Variants in SMC6 observed in about 807,000 individuals in gnomAD.
SMC6 encodes structural maintenance of chromosomes protein 6.
A neutral mutation model predicts 142.2 loss-of-function variants in SMC6; 79 were observed. That is an observed-to-expected ratio of 0.56 (90% CI 0.46 to 0.67). The LOEUF (loss-of-function observed/expected upper bound fraction) is 0.67. SMC6 is among the 30% of genes least tolerant of loss of function. SMC6 has a pLI of 0.00. For synonymous variants in SMC6, 411 were observed against 412.4 expected, an observed-to-expected ratio of 1.00 and a Z score of 0.04; for missense variants, 1,072 against 1,284.0, an observed-to-expected ratio of 0.83 and a Z score of 2.52.
intron 3 of SMC6, among the ~76,000 whole-genome samples, chr2:17,744,736 G>T (rs13385866): frequency 0.18 from 27,218 of 152,056 alleles, 3,476 homozygotes; most frequent in African/African-American, 0.37. Flanking sequence ...CTCTTTAACA[G>T]GTTGAGGAAG....
At chr2:17,740,828 C>CAACAA in intron 4 of SMC6, 1 of 283,770 alleles carries the variant, frequency 3.5e-6, no homozygotes, top group Non-Finnish European at 7.1e-6. Flanking sequence ...CCAACCTGGG[C>CAACAA]GATAGAGGGA....
chr2:17,679,033 T>C lies in SMC6; in HGVS notation c.2805-69A>G, dbSNP rs1239999890. 4 of 1,031,178 alleles carry C rather than the reference T, an allele frequency of 3.9e-6. No individual in the cohort carries two copies. The African/African-American group carries it at 4.8e-5, about 12-fold the overall frequency. 63.9% of individuals were successfully genotyped at this position (1,031,178 alleles called of 1,614,324 possible). A position where few individuals can be genotyped will look rare whatever the true frequency, so the allele number is the denominator to read the frequency against. ...TTTTTAAAAACTATATTCAGCATGA[T>C]CTAAGCATGTGAGAAAACCAGATGG... On this transcript the variant is annotated intron_variant, in intron 24 of 27. Coordinates refer to ENST00000448223, the MANE Select transcript of SMC6 (RefSeq NM_001142286.2).
intron 25 of SMC6, among the ~76,000 whole-genome samples, chr2:17,677,610 T>C (rs1558327455): frequency 6.6e-6 from 1 of 152,204 alleles, no homozygotes; most frequent in Non-Finnish European, 1.5e-5. Flanking sequence ...TCCAATGTCT[T>C]TAAAAATAAA....
At chr2:17,689,060 A>AG (rs1469069894) in intron 23 of SMC6, among the ~76,000 whole-genome samples, 4 of 152,206 alleles carry the variant, frequency 2.6e-5, no homozygotes, top group Non-Finnish European at 4.4e-5. Flanking sequence ...ATTAGTTGCA[A>AG]GGGAAAAAAT....
At chr2:17,721,120 C>T in intron 10 of SMC6, 22 bp downstream of exon 10, 1 of 1,610,702 alleles carries the variant, frequency 6.2e-7, no homozygotes, top group Non-Finnish European at 8.5e-7. Context: ...GATACGTGAA[C>T]AAGTAATTAA....
intron 23 of SMC6, among the ~76,000 whole-genome samples, chr2:17,692,417 C>A (rs1025354636): frequency 6.6e-6 from 1 of 152,210 alleles, no homozygotes; most frequent in Non-Finnish European, 1.5e-5. Context: ...CTACAACTAT[C>A]TGATTTTTGA....
At chr2:17,751,492 AAAAG>A (rs917063795) in intron 2 of SMC6, among the ~76,000 whole-genome samples, 13 of 152,142 alleles carry the variant, frequency 8.5e-5, no homozygotes, top group Admixed American at 3.3e-4. Flanking sequence ...AAGAGGAAAA[AAAAG>A]AAAGAAAGAA....
intron 3 of SMC6, 109 bp from the exon 4 acceptor site, chr2:17,741,838 T>A: frequency 1.6e-6 from 1 of 636,270 alleles, no homozygotes; most frequent in Non-Finnish European, 2.7e-6. Context: ...TGAAAAAATT[T>A]ACAGAAAGTG....
At chr2:17,675,057 T>C (rs1043549086) in intron 25 of SMC6, among the ~76,000 whole-genome samples, 1 of 152,106 alleles carries the variant, frequency 6.6e-6, no homozygotes, top group Non-Finnish European at 1.5e-5. Context: ...TTTCAATTTG[T>C]TCCATATGTT....
chr2:17,669,298 G>C (rs1458871768), intron 26 of SMC6, among the ~76,000 whole-genome samples: 3 of 152,196 alleles, frequency 2.0e-5, no homozygotes, highest in African/African-American at 4.8e-5. Flanking sequence ...TGGTTTACCA[G>C]GTGATGTCTA....
At chr2:17,743,376 A>G (rs1246809975) in intron 3 of SMC6, among the ~76,000 whole-genome samples, 3 of 152,240 alleles carry the variant, frequency 2.0e-5, no homozygotes, top group South Asian at 4.1e-4. Flanking sequence ...TCACCATATT[A>G]GTCCTGTACA....
At chr2:17,753,370 C>G (rs113942826) in intron 1 of SMC6, among the ~76,000 whole-genome samples, 1 of 151,554 alleles carries the variant, frequency 6.6e-6, no homozygotes, top group East Asian at 1.9e-4. Context: ...AGGGGACGGC[C>G]CGGAGCAGAC....
chr2:17,734,460 TATGA>T (rs1280740739), intron 5 of SMC6, among the ~76,000 whole-genome samples: 301 of 152,228 alleles, frequency 2.0e-3, no homozygotes, highest in African/African-American at 6.0e-3. Context: ...ACCACTGAAG[TATGA>T]GGGGAAGGGC....
At chr2:17,732,273 T>G (rs13400820) in intron 5 of SMC6, among the ~76,000 whole-genome samples, 2,677 of 152,286 alleles carry the variant, frequency 0.018, 74 homozygotes, top group African/African-American at 0.062. Context: ...TGCTTGACAG[T>G]AGGCCTTTAA....
chr2:17,740,736 G>C, intron 4 of SMC6: 2 of 446,328 alleles, frequency 4.5e-6, no homozygotes, highest in Non-Finnish European at 9.0e-6. Context: ...GCTAATCCCA[G>C]TTACTCACAA....
chr2:17,670,636 T>C, intron 25 of SMC6, 61 bp from the exon 26 acceptor site: 3 of 1,419,326 alleles, frequency 2.1e-6, no homozygotes, highest in Non-Finnish European at 2.8e-6. Flanking sequence ...CAGATTAAAT[T>C]CTTTACAAGA....
intron 16 of SMC6, among the ~76,000 whole-genome samples, chr2:17,712,832 G>C (rs1471944533): frequency 6.6e-6 from 1 of 152,192 alleles, no homozygotes; most frequent in African/African-American, 2.4e-5. Flanking sequence ...CAGAATGTTA[G>C]ACATACTCAA....
chr2:17,708,704 C>A lies in SMC6; in HGVS notation c.1780G>T (p.Asp594Tyr). The change falls in exon 17 of 28, where the codon GAT becomes TAT. Residue 594 changes from aspartate (D) to tyrosine (Y), a missense_variant. Around this residue, in one of 3 missense-constraint regions of SMC6, gnomAD observed 994 missense variants for 1,153.2 expected, o/e 0.86. Coordinates refer to ENST00000448223, the MANE Select transcript of SMC6 (RefSeq NM_001142286.2). The stretch of plus-strand genomic sequence containing the variant: ...AGGCTATTTGCCACAACCGCATTAT[C>A]TATTTCTAAAGCTGTCAGAACTGTT... Reference protein sequence around the residue: ...FPTVLTALEIDNAVVANSLID... With the variant: ...FPTVLTALEIYNAVVANSLID... The A allele has an allele frequency of 6.4e-7, 1 of 1,564,236 alleles. No homozygotes were observed. The highest frequency in any genetic ancestry group is 8.7e-7 in the Non-Finnish European group (1 of 1,153,334).
At chr2:17,749,304 T>A (rs938808221) in intron 2 of SMC6, among the ~76,000 whole-genome samples, 9 of 152,012 alleles carry the variant, frequency 5.9e-5, no homozygotes, top group South Asian at 4.2e-4. Context: ...ATTTATAATT[T>A]AAAAAAAACA....
Sources: allele counts gnomAD v4.1 joint callset (sites outside exome capture counted in the v4.1 genomes callset), GRCh38; gene constraint gnomAD v4.1.1; regional missense constraint gnomAD v4.1.1; transcripts MANE v1.5; gene names NCBI Gene and HGNC (gene_info 2026-07-23, HGNC 2026-07-21).